Variants in SCUBE1 observed in about 807,000 individuals in gnomAD.
The protein encoded by SCUBE1 is signal peptide, CUB domain and EGF like domain containing 1.
Under a neutral mutation model 124.4 loss-of-function variants are expected in SCUBE1, and 59 were observed. The ratio of observed to expected loss-of-function variants is 0.47; its 90% CI spans 0.38 to 0.59. The LOEUF is 0.59. Ranked by LOEUF, SCUBE1 falls within the 20% of genes least tolerant of loss-of-function variation. The probability of loss-of-function intolerance (pLI) is 0.00; values close to 1 mark genes in which losing one functional copy is unlikely to be tolerated. For synonymous variants in SCUBE1, 545 were observed against 550.9 expected, an observed-to-expected ratio of 0.99 and a Z score of 0.15; for missense variants, 1,150 against 1,371.2, an observed-to-expected ratio of 0.84 and a Z score of 2.55.
At chr22:43,318,716 G>A (rs958345200) in intron 3 of SCUBE1, among the ~76,000 whole-genome samples, 7 of 152,082 alleles carry the variant, frequency 4.6e-5, no homozygotes, top group East Asian at 1.9e-4. Context: ...CAGCAAATGT[G>A]GACTACTCTT....
intron 7 of SCUBE1, among the ~76,000 whole-genome samples, chr22:43,235,764 C>T (rs529094681): frequency 3.1e-4 from 47 of 152,308 alleles, no homozygotes; most frequent in Admixed American, 2.0e-3. Context: ...CACTTGCCAA[C>T]GGCAAGCAGC....
intron 6 of SCUBE1, among the ~76,000 whole-genome samples, chr22:43,242,469 T>A (rs935416110): frequency 1.2e-4 from 18 of 152,284 alleles, no homozygotes; most frequent in South Asian, 8.3e-4. Context: ...GGCAGTGGCA[T>A]CTCTGCCCGG....
Position 43,202,751 on chromosome 22 carries a change from G to A in SCUBE1, c.*1246C>T, listed in dbSNP as rs919978887. On this transcript the variant is annotated 3_prime_UTR_variant, in exon 22 of 22. Coordinates refer to ENST00000360835, the MANE Select transcript of SCUBE1 (RefSeq NM_173050.5). ...ACCTCTTTCCTTTATAGGAAGGAAAGAGGTTTCCCTGTGAATGGGGGTGGC... is the reference window on the plus strand; with the variant it reads ...ACCTCTTTCCTTTATAGGAAGGAAAAAGGTTTCCCTGTGAATGGGGGTGGC... The A allele has an allele frequency of 6.6e-6, 1 of 152,254 alleles. No homozygotes were observed. Among genetic ancestry groups the A allele is most frequent in the Non-Finnish European group, 1.5e-5 (1 of 68,064 alleles). 9.4% of individuals were successfully genotyped at this position (152,254 alleles called of 1,614,324 possible). A position where few individuals can be genotyped will look rare whatever the true frequency, so the allele number is the denominator to read the frequency against.
chr22:43,238,882 C>A lies in SCUBE1; in HGVS notation c.800G>T (p.Cys267Phe). 1 of 1,613,212 alleles carries A rather than the reference C, an allele frequency of 6.2e-7. No individual in the cohort carries two copies. The highest frequency in any genetic ancestry group is 8.5e-7 in the Non-Finnish European group (1 of 1,180,040). The stretch of plus-strand genomic sequence containing the variant: ...CGGCTGCAGTGTGAATCCAACGGGG[C>A]AGCTGCATCGCACGCCAGTGGCTGT... ...KDTATGVRCS[C>F]PVGFTLQPDG... The change falls in exon 7 of 22, where the codon TGC (cysteine) becomes TTC (phenylalanine). Residue 267 changes from cysteine to phenylalanine, a missense_variant. Coordinates refer to ENST00000360835, the MANE Select transcript of SCUBE1 (RefSeq NM_173050.5).
chr22:43,204,244 G>C, intron 21 of SCUBE1, 95 bp from the exon 22 acceptor site: 1 of 1,089,966 alleles, frequency 9.2e-7, no homozygotes, highest in Non-Finnish European at 1.4e-6. Flanking sequence ...AGATGCGCTG[G>C]CTGGTGGGTT....
At chr22:43,212,275 A>G (rs1040367047) in intron 17 of SCUBE1, 150 bp downstream of exon 17, 14 of 838,704 alleles carry the variant, frequency 1.7e-5, no homozygotes, top group East Asian at 1.1e-4. Context: ...ACAGTGGGTC[A>G]CCCACGCCCA....
At chr22:43,313,179 G>A (rs565198538) in intron 3 of SCUBE1, among the ~76,000 whole-genome samples, 5 of 152,296 alleles carry the variant, frequency 3.3e-5, no homozygotes, top group African/African-American at 9.6e-5. Context: ...CAAGTAGGAC[G>A]GTCTACCCAG....
intron 6 of SCUBE1, among the ~76,000 whole-genome samples, chr22:43,250,227 C>T (rs2146698023): frequency 6.6e-6 from 1 of 152,372 alleles, no homozygotes; most frequent in South Asian, 2.1e-4. Context: ...CCTCTGGACG[C>T]CTGGGGGCTC....
chr22:43,255,627 C>T lies in SCUBE1; in HGVS notation c.727+2592G>A, dbSNP rs1390315467. On this transcript the variant is annotated intron_variant, in intron 6 of 21. Coordinates refer to ENST00000360835, the MANE Select transcript of SCUBE1 (RefSeq NM_173050.5). The surrounding 1 kb of genome is among the most constrained non-coding windows in gnomAD (Gnocchi z 4.7). ...ACGGAGCCAGTGGTTAATGACAGCC[C>T]ACTTCCCGCGGCCCAAGACAGTCAG... is the stretch of plus-strand genomic sequence containing the variant. 1 of 1,469,374 alleles carries T rather than the reference C, an allele frequency of 6.8e-7. No individual in the cohort carries two copies. Among genetic ancestry groups the T allele is most frequent in the Non-Finnish European group, 9.3e-7 (1 of 1,074,536 alleles). 91.0% of individuals were successfully genotyped at this position (1,469,374 alleles called of 1,614,324 possible).
At chr22:43,227,523 G>A in intron 9 of SCUBE1, 27 bp from the exon 10 acceptor site, 2 of 1,602,206 alleles carry the variant, frequency 1.2e-6, no homozygotes, top group Non-Finnish European at 8.5e-7. Flanking sequence ...CGTAAGGGCA[G>A]AGGGGAGGCT....
rs1920985338 is a variant in SCUBE1, at chr22:43,200,478, T to G, written c.*3519A>C. On this transcript the variant is annotated 3_prime_UTR_variant, in exon 22 of 22. Coordinates refer to ENST00000360835, the MANE Select transcript of SCUBE1 (RefSeq NM_173050.5). ...CTCTACACCTCCATCTTGAACCAGG[T>G]GGAATAGCCACCTCACATCAGTCAA... 6.6e-6 allele frequency: 1 copy of G among 152,290 alleles called. No homozygotes were observed. Among genetic ancestry groups the G allele is most frequent in the African/African-American group, 2.4e-5 (1 of 41,462 alleles). The allele number at this position is 152,290 out of a possible 1,614,324, so 9.4% of individuals were successfully genotyped here.
chr22:43,224,445 T>C (rs1428613740), intron 10 of SCUBE1, among the ~76,000 whole-genome samples: 2 of 152,232 alleles, frequency 1.3e-5, no homozygotes, highest in Non-Finnish European at 2.9e-5. Flanking sequence ...ATGAGTTTTG[T>C]TGTGCTCTGA....
chr22:43,296,787 G>A (rs1463742137), intron 3 of SCUBE1, among the ~76,000 whole-genome samples: 4 of 20,596 alleles, frequency 1.9e-4, no homozygotes, highest in Non-Finnish European at 1.7e-3. Context: ...TGGCAGGCAA[G>A]GGAGCTGGGA....
intron 6 of SCUBE1, among the ~76,000 whole-genome samples, chr22:43,254,090 C>T (rs899310454): frequency 3.3e-5 from 5 of 152,252 alleles, no homozygotes; most frequent in Admixed American, 1.3e-4. Context: ...CCAGCTCTTC[C>T]CAGGCCAACC....
In SCUBE1 at chr22:43,208,180, C is replaced by T. The variant is rs145644547; in HGVS notation, c.2626G>A (p.Glu876Lys). The change falls in exon 20 of 22, where the codon GAG (glutamate) becomes AAG (lysine). Residue 876 changes from glutamate to lysine, a missense_variant. Transcript: ENST00000360835. ...CGGGAGGTGAAGGCGATGGGCCTCTCGTAGGTCTGGCAGGTCTCATAGGTG... is the reference window on the plus strand; with the variant it reads ...CGGGAGGTGAAGGCGATGGGCCTCTTGTAGGTCTGGCAGGTCTCATAGGTG... ...ITTYETCQTY[E>K]RPIAFTSRSR... 18 of 1,613,956 alleles carry T rather than the reference C, an allele frequency of 1.1e-5. No homozygotes were observed. Among genetic ancestry groups the T allele is most frequent in the Middle Eastern group, 1.6e-4 (1 of 6,084 alleles).
intron 4 of SCUBE1, among the ~76,000 whole-genome samples, chr22:43,272,049 C>T (rs1237775622): frequency 6.6e-6 from 1 of 152,164 alleles, no homozygotes; most frequent in Non-Finnish European, 1.5e-5. Flanking sequence ...CTAGCCCCTC[C>T]ATTAAGTGCT....
chr22:43,211,162 C>CCT lies in SCUBE1; in HGVS notation c.2222-81_2222-80dup, dbSNP rs371119358. 7.5e-5 allele frequency: 106 copies of CCT among 1,419,796 alleles called. No homozygotes were observed. The African/African-American group carries it at 1.2e-3, about 16-fold the overall frequency. The allele number at this position is 1,419,796 out of a possible 1,614,324, so 87.9% of individuals were successfully genotyped here. ...CAGCACTGGGGTGCTGTCCCCAGGA[C>CCT]CTCTCATGCCCTCGAGGTCTGTTTT... is the stretch of plus-strand genomic sequence containing the variant. On this transcript the variant is annotated intron_variant, in intron 17 of 21. Transcript: ENST00000360835. The surrounding 1 kb of genome is among the most constrained non-coding windows in gnomAD (Gnocchi z 4.5).
rs12166879 is a variant in SCUBE1, at chr22:43,211,498, G to A, written c.2222-415C>T. Among the ~76,000 whole-genome samples the A allele has an allele frequency of 4.6e-5, 7 of 151,416 alleles. No individual in the cohort carries two copies. Among genetic ancestry groups the A allele is most frequent in the South Asian group, 4.2e-4 (2 of 4,794 alleles). ...GCCGGAGTCTGAGGGGTGCCGGGGC[G>A]GGGGGCTAGAGATGGGCAATTCTTT... On this transcript the variant is annotated intron_variant, in intron 17 of 21. Coordinates refer to ENST00000360835, the MANE Select transcript of SCUBE1 (RefSeq NM_173050.5). This position sits in a 1 kb window ranked among gnomAD's most constrained non-coding sequence, Gnocchi z 4.5.
chr22:43,328,198 C>T (rs1926789217), intron 2 of SCUBE1, among the ~76,000 whole-genome samples: 3 of 152,190 alleles, frequency 2.0e-5, no homozygotes, highest in African/African-American at 7.2e-5. Flanking sequence ...TTGCTGGGGG[C>T]TGCTCCTGGG....
Sources: gnomAD v4.1 joint callset for allele counts (sites outside exome capture counted in the v4.1 genomes callset) on GRCh38, gnomAD v4.1.1 for gene constraint, Gnocchi (gnomAD v3.1) non-coding constraint, MANE v1.5 for transcripts, NCBI Gene and HGNC (gene_info 2026-07-23, HGNC 2026-07-21) for gene names.